The following PRKAR2B variants were observed in gnomAD, a reference collection of about 807,000 sequenced individuals.
PRKAR2B encodes cAMP-dependent protein kinase type II-beta regulatory subunit.
In PRKAR2B, 14 loss-of-function variants were observed where a neutral mutation model predicts 49.9. The ratio of observed to expected loss-of-function variants is 0.28; its 90% CI spans 0.19 to 0.44. PRKAR2B has a LOEUF of 0.44. Among genes scored for constraint, PRKAR2B ranks in the 20% least tolerant of loss-of-function variants. The pLI is 1.00. For missense variants in PRKAR2B, 393 were observed against 537.9 expected, an observed-to-expected ratio of 0.73 and a Z score of 2.67; for synonymous variants, 196 against 197.7, an observed-to-expected ratio of 0.99 and a Z score of 0.07.
chr7:107,069,810 T>G (rs1794226448), intron 1 of PRKAR2B: 1 of 152,672 alleles, frequency 6.5e-6, no homozygotes. Flanking sequence ...GAGCAATTTC[T>G]GTTCTGTTTT....
At chr7:107,051,267 T>G (rs745912126) in intron 1 of PRKAR2B, among the ~76,000 whole-genome samples, 2 of 152,238 alleles carry the variant, frequency 1.3e-5, no homozygotes, top group African/African-American at 2.4e-5. Context: ...ACTTTTGTCT[T>G]CAGAATTTCC....
chr7:107,046,080 A>C (rs1477492671), intron 1 of PRKAR2B, among the ~76,000 whole-genome samples: 1 of 152,184 alleles, frequency 6.6e-6, no homozygotes, highest in Non-Finnish European at 1.5e-5. Context: ...AAGAAAAAGG[A>C]ATTTTCTCAA....
rs777980656 is a variant in PRKAR2B, at chr7:107,044,883, A to C, written c.-25A>C. The C allele has an allele frequency of 6.4e-7, 1 of 1,566,746 alleles. No individual in the cohort carries two copies. Among genetic ancestry groups the C allele is most frequent in the African/African-American group, 1.4e-5 (1 of 72,816 alleles). ...CGGGGAGGGGGCGAGGGCGGCGCCC[A>C]GGCGCCTGCCGCCCCGGAGGCAGGA... On this transcript the variant is annotated 5_prime_UTR_variant, in exon 1 of 11. Transcript: ENST00000265717.
At chr7:107,054,102 C>A (rs556100177) in intron 1 of PRKAR2B, among the ~76,000 whole-genome samples, 6 of 152,246 alleles carry the variant, frequency 3.9e-5, no homozygotes, top group African/African-American at 1.4e-4. Context: ...GTAATCCCAG[C>A]ACTTTGGGAG....
At chr7:107,157,112 T>C (rs1011825614) in intron 9 of PRKAR2B, 63 bp downstream of exon 9, 5 of 1,607,464 alleles carry the variant, frequency 3.1e-6, no homozygotes, top group African/African-American at 1.3e-5. Flanking sequence ...GATCTACTTT[T>C]TGATGTTTAG....
intron 8 of PRKAR2B, among the ~76,000 whole-genome samples, chr7:107,156,571 C>T (rs1312333610): frequency 7.9e-5 from 12 of 151,958 alleles, no homozygotes; most frequent in African/African-American, 1.2e-4. Flanking sequence ...TTTGGGAGGC[C>T]GACGCAGGCA....
chr7:107,098,256 A>G (rs556493990), intron 2 of PRKAR2B, among the ~76,000 whole-genome samples: 3 of 152,106 alleles, frequency 2.0e-5, no homozygotes, highest in African/African-American at 7.2e-5. Flanking sequence ...CATTTCATTC[A>G]TTTGATCTTC....
intron 2 of PRKAR2B, among the ~76,000 whole-genome samples, chr7:107,108,442 A>T (rs1444690813): frequency 1.3e-5 from 2 of 152,232 alleles, no homozygotes; most frequent in African/African-American, 4.8e-5. Flanking sequence ...CGTGACAAGG[A>T]CATGGCAGGC....
At chr7:107,062,707 T>A (rs190164202) in intron 1 of PRKAR2B, among the ~76,000 whole-genome samples, 36 of 152,206 alleles carry the variant, frequency 2.4e-4, no homozygotes, top group Non-Finnish European at 4.1e-4. Flanking sequence ...CATCTTTTTT[T>A]AAAAAAAATT....
intron 2 of PRKAR2B, among the ~76,000 whole-genome samples, chr7:107,084,281 C>G (rs1562851274): frequency 2.0e-5 from 3 of 152,080 alleles, no homozygotes. Context: ...ATTCAAAGTT[C>G]TGTGCCCCAA....
chr7:107,124,955 G>A (rs574565084), intron 3 of PRKAR2B, among the ~76,000 whole-genome samples: 1 of 152,170 alleles, frequency 6.6e-6, no homozygotes, highest in South Asian at 2.1e-4. Flanking sequence ...ATAGTAGCTT[G>A]AAAGCAGCTG....
intron 4 of PRKAR2B, among the ~76,000 whole-genome samples, chr7:107,136,879 T>C (rs1172483394): frequency 1.3e-5 from 2 of 152,224 alleles, no homozygotes; most frequent in African/African-American, 4.8e-5. Flanking sequence ...AGCAGCTTTA[T>C]TCAAAATTGC....
chr7:107,159,434 C>T lies in PRKAR2B; in HGVS notation c.1124-15C>T. 1 of 1,608,918 alleles carries T rather than the reference C, an allele frequency of 6.2e-7. No individual in the cohort carries two copies. The highest frequency in any genetic ancestry group is 8.5e-7 in the Non-Finnish European group (1 of 1,178,302). ...CAAAGAATGTTATTTAAAAAAAAAT[C>T]TTCTCTTTTCTCAGCAATGGATGTG... On this transcript the variant is annotated splice_polypyrimidine_tract_variant and intron_variant, in intron 10 of 10. Coordinates refer to ENST00000265717, the MANE Select transcript of PRKAR2B (RefSeq NM_002736.3).
At chr7:107,085,285 AATC>A (rs1381481486) in intron 2 of PRKAR2B, among the ~76,000 whole-genome samples, 1 of 152,130 alleles carries the variant, frequency 6.6e-6, no homozygotes. Flanking sequence ...TTTAATTTGA[AATC>A]ATCTCCAACT....
At chr7:107,049,282 G>A (rs984215484) in intron 1 of PRKAR2B, among the ~76,000 whole-genome samples, 1 of 152,140 alleles carries the variant, frequency 6.6e-6, no homozygotes, top group Non-Finnish European at 1.5e-5. Context: ...CAGTCAACCT[G>A]GGAGAAAAAA....
At chr7:107,138,795 G>A (rs998896790) in intron 4 of PRKAR2B, among the ~76,000 whole-genome samples, 1 of 151,904 alleles carries the variant, frequency 6.6e-6, no homozygotes, top group Non-Finnish European at 1.5e-5. Context: ...GCAGTCCTCC[G>A]ACCTCGGCCT....
chr7:107,115,070 A>AT (rs888272752), intron 2 of PRKAR2B, among the ~76,000 whole-genome samples: 1 of 152,134 alleles, frequency 6.6e-6, no homozygotes, highest in African/African-American at 2.4e-5. Context: ...TTTTACAGAA[A>AT]TTTTTTAGGA....
chr7:107,146,493 A>G (rs769839055), intron 6 of PRKAR2B, 32 bp downstream of exon 6: 7 of 1,596,454 alleles, frequency 4.4e-6, no homozygotes, highest in Non-Finnish European at 6.0e-6. Flanking sequence ...CCTGAATGTT[A>G]TGATTTGTAG....
At chr7:107,145,812 T>C (rs1441787506) in intron 5 of PRKAR2B, among the ~76,000 whole-genome samples, 4 of 147,770 alleles carry the variant, frequency 2.7e-5, no homozygotes, top group African/African-American at 1.0e-4. Flanking sequence ...CAATCTCGGC[T>C]CACTGCAACC....
Sources: gnomAD v4.1 joint callset for allele counts (sites outside exome capture counted in the v4.1 genomes callset) on GRCh38, gnomAD v4.1.1 for gene constraint, MANE v1.5 for transcripts, NCBI Gene and HGNC (gene_info 2026-07-23, HGNC 2026-07-21) for gene names.